The following SULF2 variants were observed in gnomAD, a reference collection of about 807,000 sequenced individuals.
SULF2 encodes the protein sulfatase 2.
SULF2 carries 52 observed loss-of-function variants against 107.7 expected under a neutral mutation model. That is an observed-to-expected ratio of 0.48 (90% CI 0.39 to 0.61). SULF2 has a LOEUF of 0.61. Among genes scored for constraint, SULF2 ranks in the 20% least tolerant of loss-of-function variants. SULF2 has a pLI of 0.00. For synonymous variants in SULF2, 460 were observed against 464.3 expected (o/e 0.99, Z 0.12); for missense variants, 993 against 1,177.3 (o/e 0.84, Z 2.29).
chr20:47,756,610 A>G (rs891265682), intron 2 of SULF2, among the ~76,000 whole-genome samples: 4 of 151,216 alleles, frequency 2.6e-5, no homozygotes, highest in Admixed American at 2.6e-4. Context: ...ACAACCCACA[A>G]GAGCCTCCAA....
intron 1 of SULF2, among the ~76,000 whole-genome samples, chr20:47,758,196 T>C (rs1365058045): frequency 6.7e-6 from 1 of 149,986 alleles, no homozygotes; most frequent in East Asian, 2.0e-4. Flanking sequence ...CAGACAGAGT[T>C]TTGCTCTTGT....
rs1412399839 is a variant in SULF2, at chr20:47,745,397, AAAAAAAAAAAAAAATATATATAT to A, written c.176-8478_176-8456del. Among the ~76,000 whole-genome samples the A allele has an allele frequency of 5.0e-4, 17 of 33,850 alleles. 1 individual carries two copies. The highest frequency in any genetic ancestry group is 3.1e-3 in the African/African-American group (12 of 3,856). The allele number at this position is 33,850 out of a possible 152,430, so 22.2% of individuals were successfully genotyped here. A position where few individuals can be genotyped will look rare whatever the true frequency, so the allele number is the denominator to read the frequency against. On this transcript the variant is annotated intron_variant, in intron 2 of 20. Transcript: ENST00000688720. ...AGTTTTGAGGGAAAAAAAAAAAAAAAAAAAAAAAAAAAAATATATATATATATATATATATATATATATATATA... is the reference window on the plus strand; with the variant it reads ...AGTTTTGAGGGAAAAAAAAAAAAAAAATATATATATATATATATATATATA...
At chr20:47,778,392 G>A (rs1052855248) in intron 1 of SULF2, among the ~76,000 whole-genome samples, 18 of 152,246 alleles carry the variant, frequency 1.2e-4, no homozygotes, top group Non-Finnish European at 2.6e-4. Flanking sequence ...TTCAAGCTGG[G>A]CCCAGGTGTG....
At chr20:47,763,232 G>A (rs1173666726) in intron 1 of SULF2, among the ~76,000 whole-genome samples, 4 of 152,220 alleles carry the variant, frequency 2.6e-5, no homozygotes, top group South Asian at 2.1e-4. Context: ...GCAAAGGCTC[G>A]CCAGCCCAGG....
At chr20:47,763,348 C>T (rs2090456465) in intron 1 of SULF2, among the ~76,000 whole-genome samples, 1 of 152,164 alleles carries the variant, frequency 6.6e-6, no homozygotes, top group African/African-American at 2.4e-5. Context: ...GTGACTGATG[C>T]CCTCACCTTC....
intron 2 of SULF2, among the ~76,000 whole-genome samples, chr20:47,742,102 G>T (rs2089898247): frequency 6.6e-6 from 1 of 152,210 alleles, no homozygotes; most frequent in South Asian, 2.1e-4. Context: ...CTGTGCATGG[G>T]CAGTGCTATG....
At chr20:47,779,045 G>A (rs1251737208) in intron 1 of SULF2, among the ~76,000 whole-genome samples, 3 of 152,042 alleles carry the variant, frequency 2.0e-5, no homozygotes, top group African/African-American at 2.4e-5. Context: ...TTTCCACGTC[G>A]GAATTCCAGA....
intron 11 of SULF2, among the ~76,000 whole-genome samples, chr20:47,667,993 C>G (rs190358387): frequency 6.6e-6 from 1 of 152,244 alleles, no homozygotes; most frequent in Non-Finnish European, 1.5e-5. Context: ...TCCAGCAGAG[C>G]CTTGGGCCTT....
intron 2 of SULF2, among the ~76,000 whole-genome samples, chr20:47,749,239 G>A (rs944712692): frequency 2.6e-5 from 4 of 152,140 alleles, no homozygotes; most frequent in Non-Finnish European, 5.9e-5. Flanking sequence ...CCAGACATTT[G>A]TATAATTCTG....
In SULF2 at chr20:47,769,018, T is replaced by C. The variant is rs1175751066; in HGVS notation, c.-100-11555A>G. On this transcript the variant is annotated intron_variant, in intron 1 of 20. Transcript: ENST00000688720. ...GCCTCAGCCTCCTGAGTAGCTGGGA[T>C]TACAGGCACCCGCCACCATGCCTGC... Among the ~76,000 whole-genome samples the C allele has an allele frequency of 2.0e-5, 3 of 147,332 alleles. No homozygotes were observed. The East Asian group carries it at 6.0e-4, about 30-fold the overall frequency.
At chr20:47,745,049 A>G (rs139746165) in intron 2 of SULF2, among the ~76,000 whole-genome samples, 89 of 152,190 alleles carry the variant, frequency 5.8e-4, no homozygotes, top group African/African-American at 2.0e-3. Context: ...CACTGAATTG[A>G]GAGGCCAAGA....
chr20:47,764,762 G>A (rs576668132), intron 1 of SULF2, among the ~76,000 whole-genome samples: 9 of 152,140 alleles, frequency 5.9e-5, no homozygotes, highest in African/African-American at 1.9e-4. Context: ...AAGAGAGTCC[G>A]AATTAGGGCT....
intron 10 of SULF2, among the ~76,000 whole-genome samples, chr20:47,675,403 G>T (rs1010638352): frequency 4.6e-5 from 7 of 152,192 alleles, no homozygotes; most frequent in Non-Finnish European, 5.9e-5. Flanking sequence ...CACAGCTCCT[G>T]CCCGGTGGCA....
At chr20:47,750,887 T>G (rs1002041933) in intron 2 of SULF2, among the ~76,000 whole-genome samples, 5 of 152,170 alleles carry the variant, frequency 3.3e-5, no homozygotes, top group African/African-American at 9.7e-5. Flanking sequence ...GGATCCCCCT[T>G]GACTGGTTTC....
chr20:47,750,271 C>T (rs754143615), intron 2 of SULF2, among the ~76,000 whole-genome samples: 1 of 152,250 alleles, frequency 6.6e-6, no homozygotes, highest in South Asian at 2.1e-4. Context: ...TGAGCCACCG[C>T]ACCCGGCCCA....
At chr20:47,684,347 C>A in intron 6 of SULF2, 84 bp downstream of exon 6, 5 of 1,418,886 alleles carry the variant, frequency 3.5e-6, no homozygotes, top group East Asian at 5.0e-5. Flanking sequence ...TCCAGGAAAA[C>A]CCTGAAGGGC....
intron 1 of SULF2, among the ~76,000 whole-genome samples, chr20:47,776,988 T>C (rs1387002307): frequency 1.3e-5 from 2 of 152,120 alleles, no homozygotes; most frequent in African/African-American, 4.8e-5. Flanking sequence ...AAAAAAAAAT[T>C]TACTGAGTAT....
Position 47,680,637 on chromosome 20 carries a change from G to A in SULF2, c.1065-1833C>T, listed in dbSNP as rs567136368. Among the ~76,000 whole-genome samples the A allele has an allele frequency of 6.6e-6, 1 of 152,258 alleles. No homozygotes were observed. The highest frequency in any genetic ancestry group is 1.5e-5 in the Non-Finnish European group (1 of 68,044). ...GAACGTCGGGCAGGCTGCCAAGCATGTGTGCAGCTGCTGAAGATGGGGCTG... is the reference window on the plus strand; with the variant it reads ...GAACGTCGGGCAGGCTGCCAAGCATATGTGCAGCTGCTGAAGATGGGGCTG... On this transcript the variant is annotated intron_variant, in intron 7 of 20. Coordinates refer to ENST00000688720, the MANE Select transcript of SULF2 (RefSeq NM_001387048.1). The surrounding 1 kb of genome is among the most constrained non-coding windows in gnomAD (Gnocchi z 4.2).
intron 5 of SULF2, 47 bp from the exon 6 acceptor site, chr20:47,684,628 G>C: frequency 6.3e-7 from 1 of 1,590,748 alleles, no homozygotes; most frequent in South Asian, 1.1e-5. Flanking sequence ...GGACAGCCTG[G>C]ACCCTGCCTG....
Sources: allele counts gnomAD v4.1 joint callset (sites outside exome capture counted in the v4.1 genomes callset), GRCh38; gene constraint gnomAD v4.1.1; non-coding constraint Gnocchi (gnomAD v3.1); transcripts MANE v1.5; gene names NCBI Gene and HGNC (gene_info 2026-07-23, HGNC 2026-07-21).